TEX9: variants seen among roughly 807,000 people sequenced by gnomAD.
TEX9 encodes the protein testis expressed 9.
In TEX9, 74 loss-of-function variants were observed where a neutral mutation model predicts 59.6. That is an observed-to-expected ratio of 1.24 (90% CI 1.03 to 1.51). The LOEUF (loss-of-function observed/expected upper bound fraction) is 1.51. TEX9 is among the 40% of genes most tolerant of loss of function. The pLI, the probability that TEX9 is intolerant of heterozygous loss-of-function variation, is 0.00. For synonymous variants in TEX9, 186 were observed against 152.2 expected, an observed-to-expected ratio of 1.22 and a Z score of -1.64; for missense variants, 522 against 447.8, an observed-to-expected ratio of 1.17 and a Z score of -1.49.
intron 10 of TEX9, among the ~76,000 whole-genome samples, chr15:56,423,877 A>G (rs2050113485): frequency 6.6e-6 from 1 of 152,188 alleles, no homozygotes; most frequent in Admixed American, 6.5e-5. Flanking sequence ...TCACCCGAGC[A>G]GTCTATACTG....
At chr15:56,447,040 G>C (rs2050910511), downstream of TEX9, 1 of 785,306 alleles carries the variant, frequency 1.3e-6, no homozygotes, top group Admixed American at 2.4e-5. Flanking sequence ...TTTACTCAAA[G>C]AGGGAATACA....
At chr15:56,278,337 CT>C (rs1403914130) in intron 1 of TEX9, among the ~76,000 whole-genome samples, 1 of 152,180 alleles carries the variant, frequency 6.6e-6, no homozygotes, top group Non-Finnish European at 1.5e-5. Flanking sequence ...AGTGTTTCAT[CT>C]TTTCTCTGCA....
chr15:56,416,364 C>T (rs1311328224), intron 10 of TEX9, among the ~76,000 whole-genome samples: 1 of 151,736 alleles, frequency 6.6e-6, no homozygotes, highest in Non-Finnish European at 1.5e-5. Context: ...ATAGATGGCT[C>T]TTATTATTTT....
At chr15:56,312,473 C>T (rs1407954603) in intron 1 of TEX9, among the ~76,000 whole-genome samples, 9 of 147,438 alleles carry the variant, frequency 6.1e-5, no homozygotes, top group African/African-American at 2.0e-4. Context: ...GGCATTATTT[C>T]TGAGGGCTCT....
chr15:56,443,241 T>C (rs2050849621), intron 12 of TEX9, among the ~76,000 whole-genome samples: 1 of 152,170 alleles, frequency 6.6e-6, no homozygotes, highest in African/African-American at 2.4e-5. Context: ...TTATGGTAAG[T>C]TTATAAATTG....
chr15:56,450,580 G>C (rs2050940835), downstream of TEX9, among the ~76,000 whole-genome samples: 1 of 152,020 alleles, frequency 6.6e-6, no homozygotes, highest in South Asian at 2.1e-4. Context: ...GCATGTATCA[G>C]TGCTTCATTT....
At chr15:56,249,116 CAAAA>C in intron 1 of TEX9, 1 of 152,228 alleles carries the variant, frequency 6.6e-6, no homozygotes, top group Non-Finnish European at 1.5e-5. Flanking sequence ...AATAAAAACA[CAAAA>C]AACAAACAAA....
At chr15:56,412,317 A>G (rs757773070) in exon 10 of TEX9, 1 of 1,610,166 alleles carries the variant, frequency 6.2e-7, no homozygotes, top group South Asian at 1.1e-5. Flanking sequence ...AGAAAATAAA[A>G]GAAGACTGCA....
the TEX9 span, among the ~76,000 whole-genome samples, chr15:56,452,411 T>C: frequency 3.3e-5 from 5 of 152,190 alleles, no homozygotes; most frequent in Non-Finnish European, 7.3e-5. Flanking sequence ...TCTGGGTTCT[T>C]ATTGGGGGTG....
intron 9 of TEX9, among the ~76,000 whole-genome samples, chr15:56,406,601 C>T (rs567763573): frequency 6.6e-6 from 1 of 152,258 alleles, no homozygotes; most frequent in South Asian, 2.1e-4. Flanking sequence ...TGTATCATCA[C>T]CAACACTTGG....
chr15:56,357,118 C>A (rs1374427505), intron 1 of TEX9, among the ~76,000 whole-genome samples: 3 of 152,096 alleles, frequency 2.0e-5, no homozygotes, highest in African/African-American at 7.2e-5. Flanking sequence ...CCTATAAATT[C>A]AGAAGATAGA....
At chr15:56,440,106 TGAA>T (rs751193114) in intron 12 of TEX9, among the ~76,000 whole-genome samples, 2 of 151,952 alleles carry the variant, frequency 1.3e-5, no homozygotes, top group African/African-American at 2.4e-5. Context: ...GCAAAAGACA[TGAA>T]GAACTATTTC....
At chr15:56,331,797 A>C (rs1383681662) in intron 1 of TEX9, among the ~76,000 whole-genome samples, 6 of 151,798 alleles carry the variant, frequency 4.0e-5, no homozygotes, top group Non-Finnish European at 8.8e-5. Flanking sequence ...ACCCCATCAA[A>C]AAGTGGGCGA....
At chr15:56,255,170 A>G (rs1242166487) in intron 1 of TEX9, among the ~76,000 whole-genome samples, 1 of 152,156 alleles carries the variant, frequency 6.6e-6, no homozygotes, top group African/African-American at 2.4e-5. Context: ...CTCTGTTGCA[A>G]CCACTCAGCT....
chr15:56,426,596 T>TATATATATAC lies in TEX9; in HGVS notation c.964-1000_964-999insCATATATATA, dbSNP rs2050271478. Among the ~76,000 whole-genome samples, 3 of 20,008 alleles carry TATATATATAC rather than the reference T, an allele frequency of 1.5e-4. No individual in the cohort carries two copies. The East Asian group carries it at 2.7e-3, about 18-fold the overall frequency. 13.1% of individuals were successfully genotyped at this position (20,008 alleles called of 152,430 possible). The stretch of plus-strand genomic sequence containing the variant: ...TTTTTTTTTTGAAAAGGTGTATATA[T>TATATATATAC]ATATATATATATATATATATATATA... On this transcript the variant is annotated intron_variant, in intron 10 of 12. Transcript: ENST00000352903.
At chr15:56,330,858 G>A (rs1360858504) in intron 1 of TEX9, among the ~76,000 whole-genome samples, 1 of 151,874 alleles carries the variant, frequency 6.6e-6, no homozygotes. Flanking sequence ...AAAAGACATG[G>A]AATAGCTGAC....
In TEX9 at chr15:56,316,817, G is replaced by C. The variant is rs547318963; in HGVS notation, c.-106-56624G>C. 2.6e-5 allele frequency among the ~76,000 whole-genome samples: 4 copies of C among 152,304 alleles called. No homozygotes were observed. In the South Asian group the frequency reaches 8.3e-4, roughly 32 times the overall value. ...AATCAGCGAGACTCCGTGAGCGTAG[G>C]ACCCTCCAAGCCAGGTGCGGGATAT... On this transcript the variant is annotated intron_variant, in intron 1 of 5. Transcript: ENST00000560827.
upstream of TEX9, chr15:56,365,307 C>G: frequency 8.7e-7 from 1 of 1,142,922 alleles, no homozygotes; most frequent in Non-Finnish European, 1.2e-6. Flanking sequence ...AAAGGCCGAG[C>G]CCGCTGCCAG....
At chr15:56,302,021 A>G (rs776284055) in intron 1 of TEX9, among the ~76,000 whole-genome samples, 2 of 152,196 alleles carry the variant, frequency 1.3e-5, no homozygotes, top group Non-Finnish European at 2.9e-5. Context: ...AATAGAAACA[A>G]CAAAATTAAA....
Sources: allele counts gnomAD v4.1 joint callset (sites outside exome capture counted in the v4.1 genomes callset), GRCh38; gene constraint gnomAD v4.1.1; transcripts MANE v1.5; gene names NCBI Gene and HGNC (gene_info 2026-07-23, HGNC 2026-07-21).